The following ERAP1 variants were observed in gnomAD, a reference collection of about 807,000 sequenced individuals.
The protein encoded by ERAP1 is endoplasmic reticulum aminopeptidase 1.
In ERAP1, 86 loss-of-function variants were observed where a neutral mutation model predicts 103.7. The observed-to-expected ratio is 0.83, with a 90% CI of 0.70 to 0.99. The LOEUF is 0.99. Among genes scored for constraint, ERAP1 ranks in the 50% least tolerant of loss-of-function variants. The pLI, the probability that ERAP1 is intolerant of heterozygous loss-of-function variation, is 0.00. For synonymous variants in ERAP1, 398 were observed against 402.4 expected (o/e 0.99, Z 0.13); for missense variants, 1,009 against 1,128.4 (o/e 0.89, Z 1.52).
chr5:96,886,656 T>C, the ERAP1 span: 1,548 of 1,514,784 alleles, frequency 1.0e-3, 13 homozygotes, highest in African/African-American at 0.019. Flanking sequence ...TTTCTGTAGG[T>C]TAAGACAATT....
At chr5:96,765,327 TAAAAAAAAAAAA>T (rs59338324) in intron 19 of ERAP1, 4 of 511,394 alleles carry the variant, frequency 7.8e-6, no homozygotes, top group South Asian at 3.0e-5. Flanking sequence ...AAAGTAAAGG[TAAAAAAAAAAAA>T]AAAAAAAAAA....
the ERAP1 span, among the ~76,000 whole-genome samples, chr5:96,921,979 G>A: frequency 6.6e-6 from 1 of 152,174 alleles, no homozygotes; most frequent in Non-Finnish European, 1.5e-5. Flanking sequence ...TTTTTTCTCA[G>A]TTTTAAAACT....
the ERAP1 span, among the ~76,000 whole-genome samples, chr5:96,905,740 C>A: frequency 6.6e-6 from 1 of 151,846 alleles, no homozygotes; most frequent in African/African-American, 2.4e-5. Context: ...AAAAATTAGC[C>A]CAGTGTGGTG....
chr5:96,835,910 C>A, the ERAP1 span, among the ~76,000 whole-genome samples: 1 of 152,170 alleles, frequency 6.6e-6, no homozygotes, highest in Non-Finnish European at 1.5e-5. Context: ...ATTTCAACTG[C>A]AGGCATACTC....
intron 8 of ERAP1, among the ~76,000 whole-genome samples, chr5:96,791,406 G>A (rs1395410309): frequency 1.3e-5 from 2 of 152,196 alleles, no homozygotes; most frequent in Non-Finnish European, 2.9e-5. Flanking sequence ...TAAAACAACA[G>A]CCAAGCACAA....
At chr5:96,774,092 A>C (rs1773416598), downstream of ERAP1, 1 of 152,920 alleles carries the variant, frequency 6.5e-6, no homozygotes, top group East Asian at 1.9e-4. Flanking sequence ...AAAAGAAAAA[A>C]CACTTTTCCT....
In ERAP1 at chr5:96,785,876, A is replaced by T. The variant is rs746825764; in HGVS notation, c.1855T>A (p.Ser619Thr). The change falls in exon 13 of 19, where the codon TCT (serine) becomes ACT (threonine). Residue 619 changes from serine to threonine, a missense_variant. Coordinates refer to ENST00000443439, the MANE Select transcript of ERAP1 (RefSeq NM_001040458.3). Reference protein sequence around the residue: ...IVHYEDDGWDSLTGLLKGTHT... With the variant: ...IVHYEDDGWDTLTGLLKGTHT... ...GTTCCTTTTAAAAGGCCAGTCAAAG[A>T]GTCCCATCCATCATCCTCGTAATGC... 3 of 1,614,032 alleles carry T rather than the reference A, an allele frequency of 1.9e-6. No homozygotes were observed. The Admixed American group carries it at 5.0e-5, about 27-fold the overall frequency.
the ERAP1 span, among the ~76,000 whole-genome samples, chr5:96,837,125 G>A: frequency 5.3e-5 from 8 of 152,312 alleles, no homozygotes; most frequent in African/African-American, 1.9e-4. Context: ...TTTTAGTGTA[G>A]ATATGTAGGC....
the ERAP1 span, among the ~76,000 whole-genome samples, chr5:96,922,750 G>A: frequency 5.3e-5 from 8 of 152,196 alleles, no homozygotes; most frequent in African/African-American, 9.7e-5. Flanking sequence ...CAATGAATAA[G>A]TTGTTAGTGA....
the ERAP1 span, chr5:96,892,449 A>G: frequency 6.2e-7 from 1 of 1,613,904 alleles, no homozygotes; most frequent in Non-Finnish European, 8.5e-7. Context: ...GAACTGGCGC[A>G]CCAGGTACTT....
In ERAP1 at chr5:96,792,200, G is replaced by A; in HGVS notation, c.1189-8C>T. 4 of 1,612,870 alleles carry A rather than the reference G, an allele frequency of 2.5e-6. No homozygotes were observed. The highest frequency in any genetic ancestry group is 2.2e-5 in the East Asian group (1 of 44,858). On this transcript the variant is annotated splice_polypyrimidine_tract_variant and splice_region_variant and intron_variant, in intron 7 of 18. Coordinates refer to ENST00000443439, the MANE Select transcript of ERAP1 (RefSeq NM_001040458.3). The stretch of plus-strand genomic sequence containing the variant: ...GCCAAAGAAATAATCTCCCTATTGA[G>A]ATAGAAAAAAGAAAACATCACCTAT...
At chr5:96,847,124 T>C in the ERAP1 span, among the ~76,000 whole-genome samples, 73 of 150,526 alleles carry the variant, frequency 4.8e-4, no homozygotes, top group South Asian at 0.014. Context: ...TGCGTGCACC[T>C]GTAATCCCAG....
chr5:96,896,433 C>A, the ERAP1 span: 8 of 1,612,890 alleles, frequency 5.0e-6, 1 homozygote, highest in Admixed American at 1.3e-4. Context: ...GAATTCATCC[C>A]GCCCTATCTC....
the ERAP1 span, among the ~76,000 whole-genome samples, chr5:96,822,490 C>T: frequency 6.6e-6 from 1 of 152,142 alleles, no homozygotes; most frequent in Non-Finnish European, 1.5e-5. Flanking sequence ...CAAATGTTAT[C>T]AAACGGAGAT....
At chr5:96,800,832 T>G (rs757728480) in intron 3 of ERAP1, 30 bp downstream of exon 3, 1 of 1,611,988 alleles carries the variant, frequency 6.2e-7, no homozygotes, top group South Asian at 1.1e-5. Flanking sequence ...TAGATTTTCC[T>G]ATAGAAAATA....
the ERAP1 span, among the ~76,000 whole-genome samples, chr5:96,910,913 C>T: frequency 6.6e-6 from 1 of 152,168 alleles, no homozygotes; most frequent in South Asian, 2.1e-4. Context: ...ACAAAACAAC[C>T]ATGTGGCCTA....
chr5:96,804,258 A>T (rs1581640073), intron 1 of ERAP1: 1 of 384,564 alleles, frequency 2.6e-6, no homozygotes, highest in East Asian at 6.5e-5. Flanking sequence ...CAGAAAAGGA[A>T]TCATTAGGGG....
At chr5:96,907,966 G>GA in the ERAP1 span, among the ~76,000 whole-genome samples, 4 of 151,830 alleles carry the variant, frequency 2.6e-5, no homozygotes, top group African/African-American at 7.3e-5. Flanking sequence ...TGAAATTTTT[G>GA]AAAAAAATTT....
the ERAP1 span, among the ~76,000 whole-genome samples, chr5:96,924,751 C>T: frequency 6.6e-6 from 1 of 152,072 alleles, no homozygotes; most frequent in African/African-American, 2.4e-5. Context: ...GCACCTGCTA[C>T]CATGCCAGGC....
Sources: allele counts gnomAD v4.1 joint callset (sites outside exome capture counted in the v4.1 genomes callset), GRCh38; gene constraint gnomAD v4.1.1; transcripts MANE v1.5; gene names NCBI Gene and HGNC (gene_info 2026-07-23, HGNC 2026-07-21).